Variants in GRIK2 observed in about 807,000 individuals in gnomAD.
GRIK2 encodes glutamate receptor ionotropic, kainate 2.
Under a neutral mutation model 100.3 loss-of-function variants are expected in GRIK2, and 32 were observed. That is an observed-to-expected ratio of 0.32 (90% CI 0.24 to 0.43). The LOEUF (loss-of-function observed/expected upper bound fraction) is 0.43. GRIK2 is among the 20% of genes least tolerant of loss of function. The pLI, the probability that GRIK2 is intolerant of heterozygous loss-of-function variation, is 1.00. For missense variants in GRIK2, 843 were observed against 1,114.9 expected, an observed-to-expected ratio of 0.76 and a Z score of 3.47; for synonymous variants, 417 against 389.4, an observed-to-expected ratio of 1.07 and a Z score of -0.83.
At chr6:101,760,658 T>TTAATTATATATATTTATATATATATA (rs1777553198) in intron 7 of GRIK2, among the ~76,000 whole-genome samples, 2 of 102,990 alleles carry the variant, frequency 1.9e-5, no homozygotes, top group Non-Finnish European at 3.6e-5. Flanking sequence ...AATTATATGT[T>TTAATTATATATATTTATATATATATA]TAATTATATA....
chr6:101,942,074 A>G (rs1436093145), intron 14 of GRIK2, among the ~76,000 whole-genome samples: 2 of 152,240 alleles, frequency 1.3e-5, no homozygotes, highest in Middle Eastern at 3.4e-3. Flanking sequence ...GGTCACGATG[A>G]TGGATGCTCT....
At chr6:101,941,192 AAATAT>A (rs1582581045) in intron 14 of GRIK2, among the ~76,000 whole-genome samples, 2 of 152,086 alleles carry the variant, frequency 1.3e-5, no homozygotes, top group East Asian at 3.9e-4. Context: ...ATTTTAATCA[AAATAT>A]AATTAAATTA....
chr6:101,930,504 C>T (rs1672617326), intron 14 of GRIK2, among the ~76,000 whole-genome samples: 1 of 151,948 alleles, frequency 6.6e-6, no homozygotes, highest in African/African-American at 2.4e-5. Context: ...AATAATACAA[C>T]CTATTGTACC....
At chr6:101,594,261 G>T (rs1399234392) in intron 2 of GRIK2, among the ~76,000 whole-genome samples, 1 of 151,706 alleles carries the variant, frequency 6.6e-6, no homozygotes, top group East Asian at 1.9e-4. Context: ...AAGTCAATGG[G>T]GTTGGAATAG....
chr6:101,394,164 G>T (rs987249489), intron 1 of GRIK2, among the ~76,000 whole-genome samples: 3 of 152,186 alleles, frequency 2.0e-5, no homozygotes. Context: ...CACGCGAGGC[G>T]AAGAGAATGA....
intron 9 of GRIK2, 102 bp from the exon 10 acceptor site, chr6:101,818,268 G>A: frequency 1.5e-6 from 1 of 664,912 alleles, no homozygotes; most frequent in South Asian, 1.9e-5. Context: ...AGACAATGCA[G>A]CAAAGGTGAA....
At position 101,515,293 on chromosome 6, in the gene GRIK2, C is replaced by A. The variant is rs116237558; in HGVS notation, c.116-106656C>A. 7.0e-3 allele frequency among the ~76,000 whole-genome samples: 1,058 copies of A among 152,068 alleles called. 6 individuals are homozygous for A. The highest frequency in any genetic ancestry group is 0.022 in the African/African-American group (925 of 41,514). On this transcript the variant is annotated intron_variant, in intron 2 of 16. Transcript: ENST00000369134. ...TATACACACACACATACACACACCA[C>A]AGTTTCTTTATCCACTGGCTGATTG...
chr6:101,936,672 A>G (rs1337261276), intron 14 of GRIK2, among the ~76,000 whole-genome samples: 1 of 152,076 alleles, frequency 6.6e-6, no homozygotes. Flanking sequence ...CTATGTTCCC[A>G]TTGCAAGAAA....
At chr6:101,723,535 A>C (rs1228870349) in intron 7 of GRIK2, among the ~76,000 whole-genome samples, 1 of 152,044 alleles carries the variant, frequency 6.6e-6, no homozygotes, top group Admixed American at 6.6e-5. Context: ...GCCTTCCTCC[A>C]TGGCTGTAAG....
At chr6:101,787,516 T>C (rs536207078) in intron 7 of GRIK2, among the ~76,000 whole-genome samples, 1 of 152,268 alleles carries the variant, frequency 6.6e-6, no homozygotes, top group South Asian at 2.1e-4. Context: ...TTTATTTGTT[T>C]CAAGAAACTT....
chr6:101,974,524 A>G (rs990157384), intron 14 of GRIK2, among the ~76,000 whole-genome samples: 5 of 152,080 alleles, frequency 3.3e-5, no homozygotes. Flanking sequence ...ACACAATTAT[A>G]GGGACTTCGG....
chr6:101,410,352 G>C (rs1002331375), intron 2 of GRIK2, among the ~76,000 whole-genome samples: 3 of 151,994 alleles, frequency 2.0e-5, no homozygotes, highest in African/African-American at 7.2e-5. Context: ...ATAAACACTT[G>C]GATTTGCTAC....
intron 7 of GRIK2, among the ~76,000 whole-genome samples, chr6:101,701,019 G>T (rs1272997409): frequency 2.0e-5 from 3 of 152,114 alleles, no homozygotes; most frequent in Admixed American, 2.0e-4. Flanking sequence ...TTGAAAAGGA[G>T]ATGGTATTGA....
chr6:101,700,152 A>AAAACAAAC (rs142516473), intron 7 of GRIK2, among the ~76,000 whole-genome samples: 10 of 151,848 alleles, frequency 6.6e-5, no homozygotes, highest in Admixed American at 6.6e-4. Flanking sequence ...TCTGTCTCAC[A>AAAACAAAC]AAACAAACAA....
intron 2 of GRIK2, among the ~76,000 whole-genome samples, chr6:101,601,104 A>G (rs886064442): frequency 8.2e-5 from 11 of 133,756 alleles, no homozygotes; most frequent in African/African-American, 2.9e-4. Context: ...TGTTCCTCTG[A>G]TGCCTAGTTT....
At chr6:101,868,228 T>A in intron 11 of GRIK2, among the ~76,000 whole-genome samples, 1 of 150,720 alleles carries the variant, frequency 6.6e-6, no homozygotes, top group African/African-American at 2.4e-5. Flanking sequence ...AGCTTCAATG[T>A]CTTCTTAAAT....
At chr6:101,954,300 G>T (rs369953454) in intron 14 of GRIK2, among the ~76,000 whole-genome samples, 1 of 151,952 alleles carries the variant, frequency 6.6e-6, no homozygotes, top group African/African-American at 2.4e-5. Flanking sequence ...ATGTTTATTT[G>T]GGAAGTATTG....
intron 2 of GRIK2, among the ~76,000 whole-genome samples, chr6:101,612,418 T>G (rs534245121): frequency 6.6e-6 from 1 of 152,008 alleles, no homozygotes; most frequent in East Asian, 1.9e-4. Context: ...TTATTAATGT[T>G]TGTAAAATAC....
chr6:101,399,282 A>C lies in GRIK2; in HGVS notation c.5A>C (p.Lys2Thr). Residue 2 changes from lysine to threonine, a missense_variant, in exon 2 of 17, where the codon AAG becomes ACG. By Grantham distance (78) the Lys-to-Thr change is moderately conservative (BLOSUM62 -1). Around this residue, in one of 3 missense-constraint regions of GRIK2, gnomAD observed 519 missense variants for 643.8 expected, o/e 0.81. Coordinates refer to ENST00000369134, the MANE Select transcript of GRIK2 (RefSeq NM_021956.5). Reference sequence around the variant, plus strand: ...GCGTGTGGGCACAGAAACACCATGAAGATTATTTTCCCGATTCTAAGTAAT... The same window carrying C: ...GCGTGTGGGCACAGAAACACCATGACGATTATTTTCCCGATTCTAAGTAAT... M[K>T]IIFPILSNPV... 6.7e-7 allele frequency: 1 copy of C among 1,482,664 alleles called. No individual in the cohort carries two copies. The highest frequency in any genetic ancestry group is 9.4e-7 in the Non-Finnish European group (1 of 1,060,028). The allele number at this position is 1,482,664 out of a possible 1,614,324, so 91.8% of individuals were successfully genotyped here.
Sources: allele counts gnomAD v4.1 joint callset (sites outside exome capture counted in the v4.1 genomes callset), GRCh38; gene constraint gnomAD v4.1.1; regional missense constraint gnomAD v4.1.1; transcripts MANE v1.5; gene names NCBI Gene and HGNC (gene_info 2026-07-23, HGNC 2026-07-21).